The following ANKRD45 variants were observed in gnomAD, a reference collection of about 807,000 sequenced individuals.
The protein encoded by ANKRD45 is ankyrin repeat domain-containing protein 45.
Under a neutral mutation model 28.1 loss-of-function variants are expected in ANKRD45, and 21 were observed. That is an observed-to-expected ratio of 0.75 (90% CI 0.53 to 1.08). The LOEUF (loss-of-function observed/expected upper bound fraction) is 1.08, where lower values mean the gene tolerates loss of function less well. Among genes scored for constraint, ANKRD45 ranks in the 50% least tolerant of loss-of-function variants. The pLI, the probability that ANKRD45 is intolerant of heterozygous loss-of-function variation, is 0.00. For missense variants in ANKRD45, 261 were observed against 308.7 expected, an observed-to-expected ratio of 0.85 and a Z score of 1.16; for synonymous variants, 86 against 103.9, an observed-to-expected ratio of 0.83 and a Z score of 1.05.
chr1:173,638,081 G>A (rs1390881459), intron 3 of ANKRD45, among the ~76,000 whole-genome samples: 1 of 142,426 alleles, frequency 7.0e-6, no homozygotes, highest in Non-Finnish European at 1.5e-5. Flanking sequence ...TTGGTGGTCA[G>A]CTTTTGGAGG....
At chr1:173,646,433 T>C (rs1330932213) in intron 3 of ANKRD45, among the ~76,000 whole-genome samples, 2 of 152,218 alleles carry the variant, frequency 1.3e-5, no homozygotes, top group Admixed American at 1.3e-4. Context: ...TTTCTAAAAT[T>C]ATTGTTACAA....
the ANKRD45 span, among the ~76,000 whole-genome samples, chr1:173,711,374 T>C: frequency 6.6e-6 from 1 of 152,318 alleles, no homozygotes; most frequent in South Asian, 2.1e-4. Context: ...AATCAACATA[T>C]GTAAGATGAA....
At chr1:173,702,981 C>T in the ANKRD45 span, among the ~76,000 whole-genome samples, 5 of 152,070 alleles carry the variant, frequency 3.3e-5, no homozygotes, top group Non-Finnish European at 5.9e-5. Flanking sequence ...CCAACCTGGA[C>T]TCCCAAAGCA....
At chr1:173,654,392 A>C (rs1168702843) in intron 2 of ANKRD45, among the ~76,000 whole-genome samples, 1 of 152,162 alleles carries the variant, frequency 6.6e-6, no homozygotes, top group African/African-American at 2.4e-5. Flanking sequence ...CTGGGTTGAA[A>C]ATTCTTTTCT....
the ANKRD45 span, among the ~76,000 whole-genome samples, chr1:173,691,817 G>A: frequency 6.6e-6 from 1 of 152,156 alleles, no homozygotes; most frequent in Non-Finnish European, 1.5e-5. Context: ...AATGAAGTGT[G>A]CACCCTTACA....
chr1:173,636,763 A>T, intron 3 of ANKRD45: 1 of 1,134,424 alleles, frequency 8.8e-7, no homozygotes, highest in Non-Finnish European at 1.3e-6. Flanking sequence ...ATTATTAACT[A>T]TACTATAGTA....
At chr1:173,683,251 TACTTACCTAA>T in the ANKRD45 span, among the ~76,000 whole-genome samples, 9 of 152,272 alleles carry the variant, frequency 5.9e-5, no homozygotes, top group African/African-American at 2.2e-4. Context: ...TACTTACAGT[TACTTACCTAA>T]AGATGGGTCT....
intron 2 of ANKRD45, among the ~76,000 whole-genome samples, chr1:173,653,191 G>T (rs1405876980): frequency 6.6e-6 from 1 of 152,058 alleles, no homozygotes; most frequent in Non-Finnish European, 1.5e-5. Flanking sequence ...TGTGATGTTA[G>T]GGTGTTAATT....
At chr1:173,610,450 C>T (rs1266550110) in intron 5 of ANKRD45, among the ~76,000 whole-genome samples, 1 of 152,126 alleles carries the variant, frequency 6.6e-6, no homozygotes, top group East Asian at 1.9e-4. Flanking sequence ...CTAGTTCTGC[C>T]ATTGATGAGA....
the ANKRD45 span, among the ~76,000 whole-genome samples, chr1:173,683,676 C>G: frequency 6.6e-6 from 1 of 152,162 alleles, no homozygotes; most frequent in Admixed American, 6.5e-5. Context: ...AAATCTGAGA[C>G]AGGTCTCAGT....
At chr1:173,656,202 T>G (rs1055853501) in intron 2 of ANKRD45, among the ~76,000 whole-genome samples, 6 of 152,236 alleles carry the variant, frequency 3.9e-5, no homozygotes, top group Non-Finnish European at 5.9e-5. Flanking sequence ...TGCTGGGATC[T>G]GCAGACTGGA....
the ANKRD45 span, among the ~76,000 whole-genome samples, chr1:173,683,704 T>C: frequency 2.0e-5 from 3 of 152,116 alleles, no homozygotes; most frequent in Non-Finnish European, 4.4e-5. Context: ...GAAAGTTTAT[T>C]TTGAAAAGGT....
the ANKRD45 span, among the ~76,000 whole-genome samples, chr1:173,692,724 T>G: frequency 2.6e-5 from 4 of 152,198 alleles, no homozygotes; most frequent in Non-Finnish European, 5.9e-5. Context: ...TATATCTGAG[T>G]GTTTAACATG....
Position 173,613,663 on chromosome 1 carries a change from G to A in ANKRD45, c.731-3448C>T, listed in dbSNP as rs551128176. ...GGAGGGAGGAGGGGGGTCAGCCCCC[G>A]CCTGGCCGCCGCCCCGTCCGGGAGG... On this transcript the variant is annotated intron_variant, in intron 5 of 5. Coordinates refer to ENST00000333279, the MANE Select transcript of ANKRD45 (RefSeq NM_198493.3). Among the ~76,000 whole-genome samples, 23 of 143,780 alleles carry A rather than the reference G, an allele frequency of 1.6e-4. 1 individual carries two copies. In the East Asian group the frequency reaches 4.3e-3, roughly 27 times the overall value. The allele number at this position is 143,780 out of a possible 152,430, so 94.3% of individuals were successfully genotyped here.
chr1:173,713,008 AAC>A, the ANKRD45 span, among the ~76,000 whole-genome samples: 1 of 152,222 alleles, frequency 6.6e-6, no homozygotes, highest in Non-Finnish European at 1.5e-5. Flanking sequence ...TTCATTGATC[AAC>A]ATGGACAAAT....
the ANKRD45 span, among the ~76,000 whole-genome samples, chr1:173,679,257 G>T: frequency 6.6e-6 from 1 of 152,048 alleles, no homozygotes; most frequent in South Asian, 2.1e-4. Context: ...TAAGCAAAAA[G>T]AACAAAGCTG....
At chr1:173,708,971 T>C in the ANKRD45 span, among the ~76,000 whole-genome samples, 1 of 152,146 alleles carries the variant, frequency 6.6e-6, no homozygotes, top group Non-Finnish European at 1.5e-5. Flanking sequence ...ACTAGGAAAA[T>C]GCTTTGTCAT....
At chr1:173,711,852 A>G in the ANKRD45 span, among the ~76,000 whole-genome samples, 3,843 of 152,294 alleles carry the variant, frequency 0.025, 173 homozygotes, top group African/African-American at 0.088. Flanking sequence ...TCAAAAAGAA[A>G]CAGAGTAGCA....
At chr1:173,679,239 G>T in the ANKRD45 span, among the ~76,000 whole-genome samples, 2 of 152,096 alleles carry the variant, frequency 1.3e-5, no homozygotes, top group Admixed American at 6.5e-5. Context: ...ACATAGCCAA[G>T]ACAGTCCTAA....
Sources: allele counts gnomAD v4.1 joint callset (sites outside exome capture counted in the v4.1 genomes callset), GRCh38; gene constraint gnomAD v4.1.1; transcripts MANE v1.5; gene names NCBI Gene and HGNC (gene_info 2026-07-23, HGNC 2026-07-21).